The following USP4 variants were observed in gnomAD, a reference collection of about 807,000 sequenced individuals.
USP4 encodes ubiquitin specific peptidase 4, also known as ubiquitin carboxyl-terminal hydrolase 4.
Under a neutral mutation model 118.2 loss-of-function variants are expected in USP4, and 72 were observed. That is an observed-to-expected ratio of 0.61 (90% confidence interval 0.50 to 0.74). The LOEUF is 0.74. Among genes scored for constraint, USP4 ranks in the 30% least tolerant of loss-of-function variants. The pLI is 0.00. For missense variants in USP4, 1,037 were observed against 1,185.7 expected (o/e 0.87, Z 1.84); for synonymous variants, 415 against 440.4 (o/e 0.94, Z 0.72).
At chr3:49,327,138 C>T (rs1189695712) in intron 3 of USP4, among the ~76,000 whole-genome samples, 2 of 152,186 alleles carry the variant, frequency 1.3e-5, no homozygotes, top group South Asian at 2.1e-4. Flanking sequence ...TCTCTCACAG[C>T]GCTGCTGGGC....
rs2107759744 is a variant in USP4, at chr3:49,277,296, A to G, written c.*997T>C. 1 of 1,234,896 alleles carries G rather than the reference A, an allele frequency of 8.1e-7. No homozygotes were observed. Among genetic ancestry groups the G allele is most frequent in the Admixed American group, 2.4e-5 (1 of 42,454 alleles). The allele number at this position is 1,234,896 out of a possible 1,614,324, so 76.5% of individuals were successfully genotyped here. A position where few individuals can be genotyped will look rare whatever the true frequency, so the allele number is the denominator to read the frequency against. ...AGGTCAGACAAAAAATCCCGGACCCATACGTCCGGTTCCTTAAGGCCTTGC... is the reference window on the plus strand; with the variant it reads ...AGGTCAGACAAAAAATCCCGGACCCGTACGTCCGGTTCCTTAAGGCCTTGC... On this transcript the variant is annotated 3_prime_UTR_variant, in exon 22 of 22. Coordinates refer to ENST00000265560, the MANE Select transcript of USP4 (RefSeq NM_003363.4).
intron 2 of USP4, among the ~76,000 whole-genome samples, chr3:49,332,451 CAA>C (rs879374052): frequency 7.4e-6 from 1 of 135,072 alleles, no homozygotes; most frequent in Non-Finnish European, 1.6e-5. Context: ...GACCCTGTCT[CAA>C]AAAAAAAAAA....
chr3:49,322,860 G>GAA (rs1348556721), intron 6 of USP4, among the ~76,000 whole-genome samples: 15 of 135,200 alleles, frequency 1.1e-4, no homozygotes, highest in African/African-American at 3.8e-4. Flanking sequence ...CCGTCACAGG[G>GAA]AAAAAAAAAA....
chr3:49,336,201 C>T (rs1177577921), intron 1 of USP4, among the ~76,000 whole-genome samples: 7 of 76,064 alleles, frequency 9.2e-5, no homozygotes, highest in Admixed American at 4.3e-4. Flanking sequence ...ACGGAGTTTT[C>T]GCTCTTGTTG....
chr3:49,315,812 G>A (rs2047429117), intron 6 of USP4, among the ~76,000 whole-genome samples: 2 of 152,138 alleles, frequency 1.3e-5, no homozygotes, highest in Admixed American at 6.6e-5. Flanking sequence ...GGACAAACCA[G>A]GCAAAGCCCA....
chr3:49,322,525 T>C (rs938325256), intron 6 of USP4, among the ~76,000 whole-genome samples: 1 of 152,182 alleles, frequency 6.6e-6, no homozygotes, highest in Non-Finnish European at 1.5e-5. Flanking sequence ...TTTACTAGTG[T>C]TGCCTGACTT....
intron 6 of USP4, chr3:49,317,307 C>G: frequency 7.0e-7 from 1 of 1,432,014 alleles, no homozygotes; most frequent in Non-Finnish European, 9.7e-7. Context: ...AGGCCAGCTT[C>G]TCTGTCAGCT....
intron 15 of USP4, among the ~76,000 whole-genome samples, chr3:49,286,668 G>A (rs751541511): frequency 6.6e-6 from 1 of 152,022 alleles, no homozygotes; most frequent in Non-Finnish European, 1.5e-5. Context: ...GGCCCACAGA[G>A]AGAAAAGGGC....
rs867696835 is a variant in USP4 at position 49,302,384 on chromosome 3, C to T, written c.1287G>A (p.Ala429=). ...CATTCAGACATCATTAATGGCATAC[C>T]GCATCTGGCCGCCCATTGGCATCCT... The part of the protein sequence containing the change: ...ELKDANGRPD[A]VVAKEAWENH... Residue 429 remains alanine (A), a splice_region_variant and synonymous_variant, in exon 10 of 22, where the codon GCG becomes GCA. Coordinates refer to ENST00000265560, the MANE Select transcript of USP4 (RefSeq NM_003363.4). The T allele has an allele frequency of 5.0e-6, 8 of 1,613,064 alleles. No homozygotes were observed. The highest frequency in any genetic ancestry group is 1.1e-5 in the South Asian group (1 of 90,836).
At chr3:49,335,872 T>C (rs1302016210) in intron 1 of USP4, among the ~76,000 whole-genome samples, 1 of 152,198 alleles carries the variant, frequency 6.6e-6, no homozygotes, top group East Asian at 1.9e-4. Context: ...GTCTTTCTTT[T>C]TTTTTCTTTT....
At chr3:49,306,692 A>G (rs939749222) in intron 8 of USP4, among the ~76,000 whole-genome samples, 15 of 152,260 alleles carry the variant, frequency 9.9e-5, no homozygotes, top group African/African-American at 3.4e-4. Context: ...TGAGGGTACA[A>G]AGACTTGGAA....
intron 15 of USP4, among the ~76,000 whole-genome samples, chr3:49,287,371 G>T (rs756173055): frequency 6.6e-6 from 1 of 151,492 alleles, no homozygotes; most frequent in Non-Finnish European, 1.5e-5. Flanking sequence ...CACCAGGATG[G>T]TCTCTAGCTC....
intron 15 of USP4, among the ~76,000 whole-genome samples, chr3:49,287,301 C>T (rs1387633633): frequency 3.3e-5 from 5 of 152,190 alleles, no homozygotes; most frequent in South Asian, 2.1e-4. Flanking sequence ...ACTACAGGTG[C>T]GTGCTACCAC....
chr3:49,306,216 T>A (rs888088895), intron 8 of USP4, among the ~76,000 whole-genome samples: 2 of 151,694 alleles, frequency 1.3e-5, no homozygotes, highest in Non-Finnish European at 2.9e-5. Context: ...TTTTGTTTTT[T>A]TTTTTTTTGA....
chr3:49,334,783 C>T (rs936720182), intron 2 of USP4, among the ~76,000 whole-genome samples: 1 of 152,134 alleles, frequency 6.6e-6, no homozygotes, highest in Non-Finnish European at 1.5e-5. Context: ...TCCCAAAGTG[C>T]TGAGATTACA....
chr3:49,325,262 A>G (rs761178993), intron 4 of USP4, among the ~76,000 whole-genome samples: 1 of 151,966 alleles, frequency 6.6e-6, no homozygotes, highest in Non-Finnish European at 1.5e-5. Context: ...TCTCTCATTT[A>G]TGGCGCAAAA....
chr3:49,313,033 G>A (rs2047402872), intron 6 of USP4, among the ~76,000 whole-genome samples: 1 of 151,080 alleles, frequency 6.6e-6, no homozygotes, highest in African/African-American at 2.4e-5. Context: ...TGGGACTACA[G>A]GCGCGTGCCA....
rs749861251 is a variant in USP4, at chr3:49,294,382, A to G, written c.1883+25T>C. 3 of 1,601,728 alleles carry G rather than the reference A, an allele frequency of 1.9e-6. No homozygotes were observed. The East Asian group carries it at 6.7e-5, about 36-fold the overall frequency. The stretch of plus-strand genomic sequence containing the variant: ...GGGTATATCTTCATCTCAGATAACA[A>G]CCAAATCACATTCCTGCCACCAACC... On this transcript the variant is annotated intron_variant, in intron 14 of 21. Coordinates refer to ENST00000265560, the MANE Select transcript of USP4 (RefSeq NM_003363.4).
At chr3:49,322,620 G>C (rs1433056445) in intron 6 of USP4, among the ~76,000 whole-genome samples, 1 of 152,046 alleles carries the variant, frequency 6.6e-6, no homozygotes, top group African/African-American at 2.4e-5. Context: ...CAGCACTTTG[G>C]GAGGCTAAGG....
Sources: gnomAD v4.1 joint callset for allele counts (sites outside exome capture counted in the v4.1 genomes callset) on GRCh38, gnomAD v4.1.1 for gene constraint, MANE v1.5 for transcripts, NCBI Gene and HGNC (gene_info 2026-07-23, HGNC 2026-07-21) for gene names.